Variants in IL1RAPL2 observed in about 807,000 individuals in gnomAD.
IL1RAPL2 encodes X-linked interleukin-1 receptor accessory protein-like 2.
Under a neutral mutation model 44.1 loss-of-function variants are expected in IL1RAPL2, and 3 were observed. The ratio of observed to expected loss-of-function variants is 0.07; its 90% CI spans 0.03 to 0.18. IL1RAPL2 has a LOEUF of 0.18. IL1RAPL2 is among the 10% of genes least tolerant of loss of function. IL1RAPL2 has a pLI of 1.00. For missense variants in IL1RAPL2, 391 were observed against 496.4 expected (o/e 0.79, Z 2.02); for synonymous variants, 181 against 178.8 (o/e 1.01, Z -0.10).
At chrX:104,817,564 G>GA (rs1443158108) in intron 2 of IL1RAPL2, among the ~76,000 whole-genome samples, 1 of 111,977 alleles carries the variant, frequency 8.9e-6, no homozygotes, top group Non-Finnish European at 1.9e-5. Flanking sequence ...CACTAGAAAT[G>GA]AAACAGAAAT....
At chrX:105,551,974 C>T (rs954010710) in intron 6 of IL1RAPL2, among the ~76,000 whole-genome samples, 6 of 110,157 alleles carry the variant, frequency 5.4e-5, no homozygotes, top group Non-Finnish European at 1.9e-5. Flanking sequence ...GGCGTGGTGG[C>T]GGGCGCCTGC....
At chrX:105,684,073 G>A (rs1011233733) in intron 6 of IL1RAPL2, among the ~76,000 whole-genome samples, 1 of 111,817 alleles carries the variant, frequency 8.9e-6, no homozygotes, top group African/African-American at 3.3e-5. Context: ...TTCCAAGATG[G>A]CCGAATAGGA....
chrX:105,713,394 T>C (rs934153508), intron 6 of IL1RAPL2, among the ~76,000 whole-genome samples: 2 of 111,527 alleles, frequency 1.8e-5, no homozygotes, highest in Non-Finnish European at 3.8e-5. Context: ...TCTTGTGTTC[T>C]GTACACCTGC....
intron 1 of IL1RAPL2, among the ~76,000 whole-genome samples, chrX:104,604,632 G>GTA (rs1928963403): frequency 1.4e-4 from 1 of 7,140 alleles, no homozygotes; most frequent in Non-Finnish European, 2.4e-4. Context: ...GAAATGCATA[G>GTA]CAAAAAAAAA....
intron 2 of IL1RAPL2, among the ~76,000 whole-genome samples, chrX:105,128,380 T>C (rs1394388818): frequency 1.8e-5 from 2 of 111,056 alleles, no homozygotes; most frequent in African/African-American, 3.3e-5. Context: ...TGAAACAATA[T>C]TAACAACATG....
intron 2 of IL1RAPL2, among the ~76,000 whole-genome samples, chrX:104,705,833 T>C (rs1028012808): frequency 4.1e-4 from 46 of 111,400 alleles, no homozygotes; most frequent in African/African-American, 1.4e-3. Flanking sequence ...ATAAAGGCAA[T>C]GGGTGCTTGG....
At chrX:104,853,753 A>G (rs756696052) in intron 2 of IL1RAPL2, among the ~76,000 whole-genome samples, 110 of 108,215 alleles carry the variant, frequency 1.0e-3, no homozygotes, top group African/African-American at 3.5e-3. Flanking sequence ...AATACAAAAC[A>G]TTAGCCAGGC....
chrX:105,520,923 C>CTTTCTTTTTTTTTTTTTTTT (rs2036550531), intron 6 of IL1RAPL2, among the ~76,000 whole-genome samples: 1 of 52,373 alleles, frequency 1.9e-5, no homozygotes, highest in African/African-American at 7.4e-5. Flanking sequence ...TTCTTTCTTT[C>CTTTCTTTTTTTTTTTTTTTT]TTTTTTTTTT....
intron 6 of IL1RAPL2, among the ~76,000 whole-genome samples, chrX:105,659,407 C>G (rs1212818902): frequency 9.0e-6 from 1 of 111,039 alleles, no homozygotes; most frequent in African/African-American, 3.3e-5. Flanking sequence ...CCTGTAATCC[C>G]AGCACTTTGG....
At position 105,590,849 on chromosome X, in the gene IL1RAPL2, T is replaced by TGTGTGTGTG. The variant is rs1569456765; in HGVS notation, c.772+106462_772+106463insGTGTGTGTG. Reference sequence around the variant, plus strand: ...TGTGTGTGTGTGTGTGTGTGTGTGTTTGTGTGTGTTTGTGTGTGTGTGTGT... The same window carrying TGTGTGTGTG: ...TGTGTGTGTGTGTGTGTGTGTGTGTTGTGTGTGTGTGTGTGTGTTTGTGTGTGTGTGTGT... On this transcript the variant is annotated intron_variant, in intron 6 of 10. Transcript: ENST00000372582. Among the ~76,000 whole-genome samples, 179 of 80,752 alleles carry TGTGTGTGTG rather than the reference T, an allele frequency of 2.2e-3. 1 individual carries two copies. Among genetic ancestry groups the TGTGTGTGTG allele is most frequent in the African/African-American group, 9.0e-3 (166 of 18,494 alleles). 70.1% of individuals were successfully genotyped at this position (80,752 alleles called of 115,157 possible). A position where few individuals can be genotyped will look rare whatever the true frequency, so the allele number is the denominator to read the frequency against.
At chrX:105,265,123 G>A (rs114452966) in intron 4 of IL1RAPL2, among the ~76,000 whole-genome samples, 4,929 of 111,940 alleles carry the variant, frequency 0.044, 284 homozygotes, top group African/African-American at 0.15. Context: ...AGAATTAATT[G>A]CATATGGACT....
intron 6 of IL1RAPL2, among the ~76,000 whole-genome samples, chrX:105,485,629 G>A (rs2036260882): frequency 9.0e-6 from 1 of 110,543 alleles, no homozygotes; most frequent in South Asian, 3.9e-4. Context: ...GCCTCTGGTA[G>A]CTATCATTCT....
chrX:105,700,732 G>A (rs2038113169), intron 6 of IL1RAPL2, among the ~76,000 whole-genome samples: 1 of 111,543 alleles, frequency 9.0e-6, no homozygotes, highest in Non-Finnish European at 1.9e-5. Context: ...ACTCTATTTA[G>A]TAATAACATT....
chrX:104,632,681 C>T (rs201549686), intron 1 of IL1RAPL2, among the ~76,000 whole-genome samples: 70 of 107,864 alleles, frequency 6.5e-4, no homozygotes, highest in African/African-American at 2.2e-3. Context: ...GTGATTTTTG[C>T]ACATTGATTT....
chrX:104,851,964 G>A (rs936332233), intron 2 of IL1RAPL2, among the ~76,000 whole-genome samples: 2 of 111,210 alleles, frequency 1.8e-5, no homozygotes, highest in African/African-American at 6.5e-5. Flanking sequence ...TATTTATGAG[G>A]AATTTGCCCC....
At chrX:105,152,695 C>T (rs777473795) in intron 2 of IL1RAPL2, among the ~76,000 whole-genome samples, 3 of 112,031 alleles carry the variant, frequency 2.7e-5, no homozygotes, top group Non-Finnish European at 1.9e-5. Flanking sequence ...AGTGGTGGGA[C>T]CTGTAAAAGG....
chrX:105,042,435 C>T (rs975483704), intron 2 of IL1RAPL2, among the ~76,000 whole-genome samples: 3 of 109,548 alleles, frequency 2.7e-5, no homozygotes, highest in African/African-American at 1.0e-4. Context: ...ACAGACACTT[C>T]TCAAAAGAAG....
Position 105,089,500 on chromosome X carries a change from C to G in IL1RAPL2, c.83-105975C>G, listed in dbSNP as rs190983923. Reference sequence around the variant, plus strand: ...GCCCAGGGTCTTCTACGTCAATGCCCTAAAAAAGCCTGCACTCCCCTTCCC... The same window carrying G: ...GCCCAGGGTCTTCTACGTCAATGCCGTAAAAAAGCCTGCACTCCCCTTCCC... On this transcript the variant is annotated intron_variant, in intron 2 of 10. Coordinates refer to ENST00000372582, the MANE Select transcript of IL1RAPL2 (RefSeq NM_017416.2). Among the ~76,000 whole-genome samples, 391 of 110,607 alleles carry G rather than the reference C, an allele frequency of 3.5e-3. 2 individuals carry two copies. The highest frequency in any genetic ancestry group is 5.6e-3 in the Non-Finnish European group (296 of 52,823).
Position 105,527,480 on chromosome X carries a change from C to T in IL1RAPL2, c.772+43093C>T, listed in dbSNP as rs758283148. ...TGTGTGTGTGTGTGTGTTTCCTTTC[C>T]GAAATAGTTTAGGGATTTTAATGTT... is the stretch of plus-strand genomic sequence containing the variant. On this transcript the variant is annotated intron_variant, in intron 6 of 10. Coordinates refer to ENST00000372582, the MANE Select transcript of IL1RAPL2 (RefSeq NM_017416.2). Among the ~76,000 whole-genome samples, 8 of 103,186 alleles carry T rather than the reference C, an allele frequency of 7.8e-5. No homozygotes were observed. In the South Asian group the frequency reaches 1.9e-3, roughly 24 times the overall value. 89.6% of individuals were successfully genotyped at this position (103,186 alleles called of 115,157 possible). A position where few individuals can be genotyped will look rare whatever the true frequency, so the allele number is the denominator to read the frequency against.
Sources: gnomAD v4.1 joint callset for allele counts (sites outside exome capture counted in the v4.1 genomes callset) on GRCh38, gnomAD v4.1.1 for gene constraint, MANE v1.5 for transcripts, NCBI Gene and HGNC (gene_info 2026-07-23, HGNC 2026-07-21) for gene names.